Variants in OCA2 observed in about 807,000 individuals in gnomAD.
OCA2 encodes the protein OCA2 melanosomal transmembrane protein.
In OCA2, 77 loss-of-function variants were observed where a neutral mutation model predicts 100.2. That is an observed-to-expected ratio of 0.77 (90% CI 0.64 to 0.93). The LOEUF is 0.93. OCA2 is among the 40% of genes least tolerant of loss of function. OCA2 has a pLI of 0.00. For missense variants in OCA2, 1,062 were observed against 1,089.1 expected, an observed-to-expected ratio of 0.98 and a Z score of 0.35; for synonymous variants, 432 against 439.2, an observed-to-expected ratio of 0.98 and a Z score of 0.21.
intron 19 of OCA2, among the ~76,000 whole-genome samples, chr15:27,890,843 T>C (rs1051586293): frequency 1.3e-5 from 2 of 152,040 alleles, no homozygotes; most frequent in Non-Finnish European, 2.9e-5. Context: ...CTGGCCAACA[T>C]GGTGAAACCC....
chr15:28,070,459 C>T (rs1382005832), intron 2 of OCA2, among the ~76,000 whole-genome samples: 1 of 123,314 alleles, frequency 8.1e-6, no homozygotes, highest in Non-Finnish European at 1.6e-5. Flanking sequence ...AGCCCCCCCA[C>T]CCGGCCAGCC....
At chr15:27,927,458 T>C (rs1288470510) in intron 18 of OCA2, among the ~76,000 whole-genome samples, 2 of 152,244 alleles carry the variant, frequency 1.3e-5, no homozygotes, top group Non-Finnish European at 2.9e-5. Context: ...AAACATGCTA[T>C]GAACATTCAT....
At chr15:27,829,441 C>A (rs1368374673) in intron 23 of OCA2, among the ~76,000 whole-genome samples, 3 of 152,230 alleles carry the variant, frequency 2.0e-5, no homozygotes, top group Admixed American at 2.0e-4. Flanking sequence ...ACTTTCTAGA[C>A]TTCCTTGCAC....
intron 21 of OCA2, among the ~76,000 whole-genome samples, chr15:27,866,977 G>A (rs1032187448): frequency 6.6e-6 from 1 of 152,226 alleles, no homozygotes; most frequent in Non-Finnish European, 1.5e-5. Flanking sequence ...GGACTCAGCA[G>A]CCAGCGTCGG....
the OCA2 span, among the ~76,000 whole-genome samples, chr15:27,747,212 GCTGT>G: frequency 5.0e-4 from 76 of 152,304 alleles, no homozygotes; most frequent in African/African-American, 1.7e-3. Context: ...GTGAGGTATG[GCTGT>G]GACAGTCACA....
chr15:27,973,310 T>C (rs1228865271), intron 14 of OCA2, among the ~76,000 whole-genome samples: 1 of 152,230 alleles, frequency 6.6e-6, no homozygotes, highest in African/African-American at 2.4e-5. Flanking sequence ...ATTTTTATGG[T>C]TTCAAGTCTT....
chr15:27,998,698 G>A (rs143838376), intron 9 of OCA2, among the ~76,000 whole-genome samples: 64,901 of 120,880 alleles, frequency 0.54, 19,494 homozygotes, highest in Non-Finnish European at 0.73. Context: ...CCCATTACTG[G>A]GTATATACCC....
chr15:27,966,965 T>A (rs542074240), intron 14 of OCA2, 143 bp from the exon 15 acceptor site: 7 of 947,646 alleles, frequency 7.4e-6, no homozygotes, highest in Admixed American at 6.1e-5. Flanking sequence ...CTGTCTCTAC[T>A]AAAAAATACA....
intron 19 of OCA2, among the ~76,000 whole-genome samples, chr15:27,911,512 G>A (rs2038395322): frequency 6.6e-6 from 1 of 152,202 alleles, no homozygotes; most frequent in East Asian, 1.9e-4. Flanking sequence ...TGCATCTGAC[G>A]AGGACCTCCG....
chr15:28,024,733 G>A (rs992986156), intron 5 of OCA2, 112 bp downstream of exon 5: 23 of 1,130,930 alleles, frequency 2.0e-5, no homozygotes, highest in South Asian at 4.9e-5. Context: ...AGAATCAGGC[G>A]AAGAGGGCCA....
chr15:27,912,911 C>A (rs2140270684), intron 19 of OCA2, among the ~76,000 whole-genome samples: 1 of 152,294 alleles, frequency 6.6e-6, no homozygotes, highest in South Asian at 2.1e-4. Context: ...TGTTTGTACC[C>A]CAATATGATG....
intron 6 of OCA2, 107 bp downstream of exon 6, chr15:28,022,394 T>C (rs2042621543): frequency 1.5e-6 from 1 of 671,632 alleles, no homozygotes; most frequent in Non-Finnish European, 2.4e-6. Flanking sequence ...CGAGTGGTAA[T>C]GGCCTGTGCC....
chr15:28,076,086 T>C (rs2044418156), intron 2 of OCA2, among the ~76,000 whole-genome samples: 1 of 152,204 alleles, frequency 6.6e-6, no homozygotes, highest in Admixed American at 6.5e-5. Flanking sequence ...CAACATATTG[T>C]TACATTTAAG....
chr15:28,024,722 G>A (rs2042696893), intron 5 of OCA2, 123 bp downstream of exon 5: 1 of 1,034,770 alleles, frequency 9.7e-7, no homozygotes, highest in South Asian at 1.3e-5. Flanking sequence ...AAGACAGTCA[G>A]AGAATCAGGC....
At chr15:27,829,229 C>T (rs924096502) in intron 23 of OCA2, among the ~76,000 whole-genome samples, 8 of 151,700 alleles carry the variant, frequency 5.3e-5, no homozygotes, top group Non-Finnish European at 1.5e-5. Flanking sequence ...AGATAGGTGA[C>T]AGACAGCTAG....
At chr15:28,012,152 G>A (rs1322379922) in intron 9 of OCA2, among the ~76,000 whole-genome samples, 1 of 152,160 alleles carries the variant, frequency 6.6e-6, no homozygotes, top group African/African-American at 2.4e-5. Flanking sequence ...CGCTGAAGAA[G>A]ATAGACAGGT....
chr15:27,797,887 C>A (rs565409526), intron 23 of OCA2, among the ~76,000 whole-genome samples: 1 of 152,280 alleles, frequency 6.6e-6, no homozygotes, highest in African/African-American at 2.4e-5. Context: ...ACGCTAGAGT[C>A]TTTCCTGAGT....
rs762052397 is a variant in OCA2, at chr15:27,989,619, C to T, written c.1164G>A (p.Leu388=). ...TAATTACCATGCCAAACAGCAGGGC[C>T]AGCGTCTCAAAATCAATCCACTCCA... ...HVVEWIDFET[L]ALLFGMMILV... The change falls in exon 11 of 24, where the codon CTG becomes CTA. Residue 388 remains leucine, a synonymous_variant. Coordinates refer to ENST00000354638, the MANE Select transcript of OCA2 (RefSeq NM_000275.3). 1 of 1,614,156 alleles carries T rather than the reference C, an allele frequency of 6.2e-7. No homozygotes were observed. The highest frequency in any genetic ancestry group is 8.5e-7 in the Non-Finnish European group (1 of 1,180,012).
intron 18 of OCA2, among the ~76,000 whole-genome samples, chr15:27,950,034 A>T (rs2039978939): frequency 6.6e-6 from 1 of 152,236 alleles, no homozygotes; most frequent in Non-Finnish European, 1.5e-5. Context: ...TTTTGTAAAA[A>T]AAACGTAGAC....
Sources: allele counts gnomAD v4.1 joint callset (sites outside exome capture counted in the v4.1 genomes callset), GRCh38; gene constraint gnomAD v4.1.1; transcripts MANE v1.5; gene names NCBI Gene and HGNC (gene_info 2026-07-23, HGNC 2026-07-21).